Variants in MID1 observed in about 807,000 individuals in gnomAD.
MID1 encodes E3 ubiquitin-protein ligase Midline-1.
MID1 carries 7 observed loss-of-function variants against 40.4 expected under a neutral mutation model. The observed-to-expected ratio is 0.17, with a 90% CI of 0.10 to 0.33. MID1 has a LOEUF of 0.33. Among genes scored for constraint, MID1 ranks in the 10% least tolerant of loss-of-function variants. The pLI, the probability that MID1 is intolerant of heterozygous loss-of-function variation, is 1.00. For synonymous variants in MID1, 229 were observed against 221.2 expected, an observed-to-expected ratio of 1.04 and a Z score of -0.31; for missense variants, 367 against 558.5, an observed-to-expected ratio of 0.66 and a Z score of 3.46.
At chrX:10,683,203 A>T (rs2043070605) in intron 1 of MID1, among the ~76,000 whole-genome samples, 2 of 111,757 alleles carry the variant, frequency 1.8e-5, no homozygotes, top group South Asian at 7.5e-4. Context: ...GATTCTCTAG[A>T]AATAAAAAGT....
chrX:10,637,306 T>G (rs186469362), intron 1 of MID1, among the ~76,000 whole-genome samples: 92 of 109,303 alleles, frequency 8.4e-4, no homozygotes, highest in African/African-American at 2.8e-3. Flanking sequence ...AATAGGAGTC[T>G]GCTTTATGTA....
chrX:10,766,693 G>C (rs1482931563), intron 1 of MID1, among the ~76,000 whole-genome samples: 1 of 111,148 alleles, frequency 9.0e-6, no homozygotes, highest in African/African-American at 3.3e-5. Flanking sequence ...GCAGAAGTTG[G>C]AGGATCATTT....
chrX:10,701,364 C>T (rs904981252), intron 1 of MID1, among the ~76,000 whole-genome samples: 1 of 111,941 alleles, frequency 8.9e-6, no homozygotes, highest in Non-Finnish European at 1.9e-5. Flanking sequence ...TCTGCTCAAA[C>T]ACCCCTTTAG....
At chrX:10,470,019 A>G (rs890670524) in intron 6 of MID1, among the ~76,000 whole-genome samples, 179 bp from the exon 7 acceptor site, 5 of 112,325 alleles carry the variant, frequency 4.5e-5, no homozygotes, top group African/African-American at 1.6e-4. Flanking sequence ...TTTGTTTTTA[A>G]TAAGGAGTGT....
intron 1 of MID1, among the ~76,000 whole-genome samples, chrX:10,734,129 A>G (rs979445942): frequency 5.3e-5 from 6 of 112,262 alleles, no homozygotes; most frequent in African/African-American, 1.9e-4. Flanking sequence ...AAAGACATGG[A>G]ATTATTTTAA....
chrX:10,494,768 T>C (rs1931146978), intron 4 of MID1, among the ~76,000 whole-genome samples: 1 of 68,555 alleles, frequency 1.5e-5, no homozygotes, highest in East Asian at 3.9e-4. Context: ...ATAAAGACTG[T>C]CTCAAAAAAA....
intron 1 of MID1, among the ~76,000 whole-genome samples, chrX:10,795,819 A>G (rs1445456447): frequency 8.9e-6 from 1 of 112,324 alleles, no homozygotes; most frequent in Non-Finnish European, 1.9e-5. Context: ...AACTCTGAAA[A>G]GGCCATTAAT....
chrX:10,455,328 T>A (rs1232806396), intron 8 of MID1, among the ~76,000 whole-genome samples: 1 of 111,983 alleles, frequency 8.9e-6, no homozygotes, highest in Non-Finnish European at 1.9e-5. Flanking sequence ...CAACTCTGTG[T>A]ATAGTACAGT....
At chrX:10,818,946 C>A (rs2044156649) in intron 1 of MID1, among the ~76,000 whole-genome samples, 1 of 111,782 alleles carries the variant, frequency 8.9e-6, no homozygotes, top group Non-Finnish European at 1.9e-5. Flanking sequence ...CTCCTAACCT[C>A]TGTGCCATTC....
intron 1 of MID1, among the ~76,000 whole-genome samples, chrX:10,832,228 C>T (rs1192965478): frequency 8.9e-6 from 1 of 112,275 alleles, no homozygotes; most frequent in Non-Finnish European, 1.9e-5. Context: ...TGTGTCCTTG[C>T]GAAAGTTATG....
rs1602458842 is a variant in MID1, at chrX:10,601,858, T to G, written c.-57+18432A>C. Among the ~76,000 whole-genome samples the G allele has an allele frequency of 2.7e-5, 3 of 110,767 alleles. No individual in the cohort carries two copies. The Middle Eastern group carries it at 0.014, about 513-fold the overall frequency. On this transcript the variant is annotated intron_variant, in intron 1 of 9. Coordinates refer to ENST00000317552, the MANE Select transcript of MID1 (RefSeq NM_000381.4). The stretch of plus-strand genomic sequence containing the variant: ...TGTGGGAATATTCTGCTTGTTCCCT[T>G]TGGCGAAATGGAATTGGAGTTTTTG...
At chrX:10,488,421 C>T (rs1195207164) in intron 4 of MID1, among the ~76,000 whole-genome samples, 1 of 112,222 alleles carries the variant, frequency 8.9e-6, no homozygotes, top group Non-Finnish European at 1.9e-5. Flanking sequence ...CCACCTCCAG[C>T]AGTTTGTGAG....
intron 1 of MID1, among the ~76,000 whole-genome samples, chrX:10,807,092 A>G (rs2044053439): frequency 9.1e-6 from 1 of 110,472 alleles, no homozygotes; most frequent in Admixed American, 9.7e-5. Context: ...AAAAATACAA[A>G]AAATTAGCTG....
intron 1 of MID1, among the ~76,000 whole-genome samples, chrX:10,694,327 T>G (rs1229794557): frequency 8.9e-6 from 1 of 112,307 alleles, no homozygotes; most frequent in Non-Finnish European, 1.9e-5. Context: ...CATAGAAGCC[T>G]TTTCTCCACT....
At chrX:10,556,791 A>C (rs1292358820) in intron 2 of MID1, among the ~76,000 whole-genome samples, 1 of 112,289 alleles carries the variant, frequency 8.9e-6, no homozygotes, top group African/African-American at 3.2e-5. Flanking sequence ...AAAGTCCAGA[A>C]TATAAAGTGA....
At chrX:10,514,834 C>T (rs959426886) in intron 3 of MID1, among the ~76,000 whole-genome samples, 5 of 111,490 alleles carry the variant, frequency 4.5e-5, no homozygotes, top group South Asian at 3.8e-4. Flanking sequence ...ATTCTAGAGC[C>T]TATTACATGG....
intron 1 of MID1, among the ~76,000 whole-genome samples, chrX:10,578,533 C>T (rs909791178): frequency 4.4e-5 from 5 of 112,690 alleles, no homozygotes; most frequent in Non-Finnish European, 9.4e-5. Context: ...TGAAATTTCC[C>T]ACTATCTGAA....
intron 1 of MID1, among the ~76,000 whole-genome samples, chrX:10,762,308 G>C (rs776049822): frequency 9.0e-6 from 1 of 111,141 alleles, no homozygotes; most frequent in African/African-American, 3.3e-5. Flanking sequence ...AAAAATTCAA[G>C]TATAAAGTCT....
intron 2 of MID1, among the ~76,000 whole-genome samples, chrX:10,544,135 A>G (rs2147414967): frequency 8.9e-6 from 1 of 111,971 alleles, no homozygotes; most frequent in East Asian, 2.8e-4. Context: ...ACACCATTTG[A>G]CTTCTGGAGC....
Sources: allele counts gnomAD v4.1 joint callset (sites outside exome capture counted in the v4.1 genomes callset), GRCh38; gene constraint gnomAD v4.1.1; transcripts MANE v1.5; gene names NCBI Gene and HGNC (gene_info 2026-07-23, HGNC 2026-07-21).